CENPK: variants seen among roughly 807,000 people sequenced by gnomAD.
CENPK encodes SoxLZ/Sox6-binding protein Solt.
In CENPK, 46 loss-of-function variants were observed where a neutral mutation model predicts 40.9. The observed-to-expected ratio is 1.13, with a 90% CI of 0.89 to 1.44. The LOEUF is 1.44. Among genes scored for constraint, CENPK ranks in the 40% most tolerant of loss-of-function variants. The probability of loss-of-function intolerance (pLI) is 0.00; values close to 1 mark genes in which losing one functional copy is unlikely to be tolerated. For missense variants in CENPK, 288 were observed against 303.5 expected, an observed-to-expected ratio of 0.95 and a Z score of 0.38; for synonymous variants, 107 against 104.4, an observed-to-expected ratio of 1.02 and a Z score of -0.15.
At chr5:65,551,421 G>T in intron 5 of CENPK, 143 bp downstream of exon 5, 1 of 545,290 alleles carries the variant, frequency 1.8e-6, no homozygotes, top group Non-Finnish European at 3.3e-6. Flanking sequence ...ATAATTCACA[G>T]AAAAAAAGTG....
chr5:65,549,334 T>C (rs1262600760), intron 5 of CENPK, among the ~76,000 whole-genome samples: 1 of 152,178 alleles, frequency 6.6e-6, no homozygotes, highest in African/African-American at 2.4e-5. Flanking sequence ...AGAGTAGATT[T>C]GGTATAATTC....
downstream of CENPK, among the ~76,000 whole-genome samples, chr5:65,513,661 C>T (rs1742660909): frequency 6.6e-6 from 1 of 152,134 alleles, no homozygotes. Context: ...TCTCTGTAAA[C>T]TTGCTATATT....
chr5:65,539,431 T>C (rs914744716), intron 6 of CENPK, among the ~76,000 whole-genome samples: 4 of 152,184 alleles, frequency 2.6e-5, no homozygotes, highest in Admixed American at 6.5e-5. Flanking sequence ...CGACATAGGA[T>C]AGACATTCCT....
the CENPK span, among the ~76,000 whole-genome samples, chr5:65,502,961 G>C: frequency 2.0e-5 from 3 of 151,342 alleles, no homozygotes; most frequent in Non-Finnish European, 4.4e-5. Flanking sequence ...ACCATGCCTG[G>C]CTAATTTTTG....
At chr5:65,541,239 A>G (rs925977441) in intron 6 of CENPK, 2 of 359,746 alleles carry the variant, frequency 5.6e-6, no homozygotes, top group Non-Finnish European at 5.7e-6. Context: ...GATCATGGAA[A>G]CCCCTGATTT....
chr5:65,497,130 G>A, the CENPK span, among the ~76,000 whole-genome samples: 1 of 151,890 alleles, frequency 6.6e-6, no homozygotes, highest in African/African-American at 2.4e-5. Flanking sequence ...CACTTTGGGA[G>A]GCTGAGGCGG....
chr5:65,520,089 T>A (rs1445349188), intron 10 of CENPK, among the ~76,000 whole-genome samples: 1 of 152,134 alleles, frequency 6.6e-6, no homozygotes, highest in Non-Finnish European at 1.5e-5. Context: ...TGGAGCCTGG[T>A]GGGAGGTGAT....
the CENPK span, among the ~76,000 whole-genome samples, chr5:65,503,967 T>A: frequency 1.0e-3 from 141 of 139,298 alleles, no homozygotes; most frequent in African/African-American, 1.4e-3. Context: ...GCTAAAAAAA[T>A]TTTTTTTTTT....
intron 5 of CENPK, among the ~76,000 whole-genome samples, chr5:65,549,925 T>C (rs1410019456): frequency 6.6e-6 from 1 of 152,076 alleles, no homozygotes; most frequent in Non-Finnish European, 1.5e-5. Context: ...TTCCTGCACT[T>C]TGGGAGACTG....
At chr5:65,502,406 T>G in the CENPK span, among the ~76,000 whole-genome samples, 6 of 152,182 alleles carry the variant, frequency 3.9e-5, no homozygotes, top group Non-Finnish European at 8.8e-5. Flanking sequence ...TTTCCTAACA[T>G]GTATATTACA....
intron 5 of CENPK, among the ~76,000 whole-genome samples, chr5:65,548,494 T>C (rs1480462329): frequency 6.6e-6 from 1 of 151,808 alleles, no homozygotes; most frequent in Non-Finnish European, 1.5e-5. Flanking sequence ...GCAATGAAGT[T>C]TGCCACACCG....
chr5:65,529,370 G>A (rs1229985913), intron 6 of CENPK, 171 bp from the exon 7 acceptor site: 42 of 506,830 alleles, frequency 8.3e-5, no homozygotes, highest in Non-Finnish European at 6.9e-6. Flanking sequence ...CTAAATTTGT[G>A]GTAATATTCT....
At chr5:65,561,197 C>T (rs573167208) in intron 2 of CENPK, 25 of 217,432 alleles carry the variant, frequency 1.1e-4, no homozygotes, top group South Asian at 1.0e-3. Flanking sequence ...ATCTCACCTG[C>T]TATACCCATA....
At chr5:65,556,786 T>C (rs763723962) in intron 2 of CENPK, among the ~76,000 whole-genome samples, 3 of 152,234 alleles carry the variant, frequency 2.0e-5, no homozygotes, top group Non-Finnish European at 4.4e-5. Flanking sequence ...GTAAAAGCCC[T>C]AGACAGGTGT....
intron 6 of CENPK, among the ~76,000 whole-genome samples, chr5:65,532,898 A>G (rs1746102360): frequency 1.9e-5 from 2 of 107,612 alleles, no homozygotes; most frequent in African/African-American, 3.3e-5. Flanking sequence ...AACAAGAGCG[A>G]AACTCCATCT....
Position 65,563,095 on chromosome 5 carries a change from T to TAG in CENPK, c.-142+2_-142+3insCT. 1.8e-6 allele frequency: 1 copy of TAG among 550,074 alleles called. No individual in the cohort carries two copies. Among genetic ancestry groups the TAG allele is most frequent in the Non-Finnish European group, 3.2e-6 (1 of 313,978 alleles). 34.1% of individuals were successfully genotyped at this position (550,074 alleles called of 1,614,324 possible). On this transcript the variant is annotated splice_region_variant and intron_variant, in intron 1 of 10. Coordinates refer to ENST00000396679, the MANE Select transcript of CENPK (RefSeq NM_022145.5). ...ATATCAACCTCCCCGGCCCAGGTCT[T>TAG]ACCATCACAGCGTCACAAACTCCAG...
Position 65,529,001 on chromosome 5 carries a change from C to T in CENPK, c.388G>A (p.Asp130Asn). 6.2e-7 allele frequency: 1 copy of T among 1,609,662 alleles called. No homozygotes were observed. The highest frequency in any genetic ancestry group is 8.5e-7 in the Non-Finnish European group (1 of 1,177,240). ...EDLEREQRWL[D>N]EQQQIMESLN... is the part of the protein sequence containing the mutation. ...GATTCCATTATCTGTTGCTGTTCAT[C>T]CAACCACCGTTGTTCCCTTTCGACA... Residue 130 changes from aspartate (D) to asparagine (N), a missense_variant, in exon 8 of 11, where the codon GAT (aspartate) becomes AAT (asparagine). Physicochemically the swap from Asp to Asn is conservative, Grantham distance 23. Transcript: ENST00000396679.
the CENPK span, among the ~76,000 whole-genome samples, chr5:65,510,497 G>A: frequency 2.0e-5 from 3 of 152,116 alleles, no homozygotes; most frequent in Non-Finnish European, 2.9e-5. Context: ...AATGGCGTCC[G>A]GGCACGGTGG....
Position 65,518,472 on chromosome 5 carries a change from C to G in CENPK, c.*3G>C, listed in dbSNP as rs756880796. 1 of 1,607,468 alleles carries G rather than the reference C, an allele frequency of 6.2e-7. No individual in the cohort carries two copies. The highest frequency in any genetic ancestry group is 8.5e-7 in the Non-Finnish European group (1 of 1,178,418). ...TTACTGTGTGAAAAAAGAAAACATC[C>G]TTTTACTGATGGAAAGCTTCTAATC... On this transcript the variant is annotated 3_prime_UTR_variant, in exon 11 of 11. Coordinates refer to ENST00000396679, the MANE Select transcript of CENPK (RefSeq NM_022145.5).
Sources: allele counts gnomAD v4.1 joint callset (sites outside exome capture counted in the v4.1 genomes callset), GRCh38; gene constraint gnomAD v4.1.1; transcripts MANE v1.5; gene names NCBI Gene and HGNC (gene_info 2026-07-23, HGNC 2026-07-21).